The following STAC variants were observed in gnomAD, a reference collection of about 807,000 sequenced individuals.
STAC encodes SH3 and cysteine-rich domain-containing protein.
STAC carries 43 observed loss-of-function variants against 48.8 expected under a neutral mutation model. That is an observed-to-expected ratio of 0.88 (90% CI 0.69 to 1.14). The LOEUF (loss-of-function observed/expected upper bound fraction) is 1.14. Ranked by LOEUF, STAC falls within the 50% of genes most tolerant of loss-of-function variation. The pLI is 0.00. For missense variants in STAC, 497 were observed against 504.0 expected (o/e 0.99, Z 0.13); for synonymous variants, 193 against 179.5 (o/e 1.07, Z -0.60).
chr3:36,504,468 A>G lies in STAC; in HGVS notation c.831+11A>G, dbSNP rs1454620652. 6.2e-7 allele frequency: 1 copy of G among 1,613,228 alleles called. No homozygotes were observed. The highest frequency in any genetic ancestry group is 1.1e-5 in the South Asian group (1 of 91,046). On this transcript the variant is annotated intron_variant, in intron 7 of 10. Coordinates refer to ENST00000273183, the MANE Select transcript of STAC (RefSeq NM_003149.3). ...AACATAAACCACCAGGTATTTATGG[A>G]TGTCACAGAAGACAAGTCAGACAGG...
At chr3:36,500,258 T>C (rs1369984888) in intron 6 of STAC, among the ~76,000 whole-genome samples, 9 of 152,186 alleles carry the variant, frequency 5.9e-5, no homozygotes, top group African/African-American at 2.2e-4. Context: ...TGGAATACTA[T>C]GCAGCCATAA....
At chr3:36,532,474 C>G (rs1039088861) in intron 10 of STAC, among the ~76,000 whole-genome samples, 2 of 152,180 alleles carry the variant, frequency 1.3e-5, no homozygotes, top group African/African-American at 4.8e-5. Flanking sequence ...CACTCAAGAG[C>G]ACCCGATCCT....
At chr3:36,396,546 T>G in intron 1 of STAC, among the ~76,000 whole-genome samples, 1 of 152,142 alleles carries the variant, frequency 6.6e-6, no homozygotes, top group East Asian at 1.9e-4. Flanking sequence ...TTCATTGGAA[T>G]GCTCAGGAAA....
intron 2 of STAC, among the ~76,000 whole-genome samples, chr3:36,472,577 T>C (rs1425641277): frequency 6.6e-6 from 1 of 152,230 alleles, no homozygotes; most frequent in Non-Finnish European, 1.5e-5. Flanking sequence ...TTGAATGCTT[T>C]GCTGCTTAGA....
chr3:36,414,181 T>C lies in STAC; in HGVS notation c.112-29183T>C, dbSNP rs536025515. ...GAGTTTCTCTTCTCAAGGAGTATCTTTGTGGCATTCTCTGTATTTCCTGAA... is the reference window on the plus strand; with the variant it reads ...GAGTTTCTCTTCTCAAGGAGTATCTCTGTGGCATTCTCTGTATTTCCTGAA... On this transcript the variant is annotated intron_variant, in intron 1 of 10. Coordinates refer to ENST00000273183, the MANE Select transcript of STAC (RefSeq NM_003149.3). 2.8e-4 allele frequency among the ~76,000 whole-genome samples: 42 copies of C among 152,300 alleles called. No individual in the cohort carries two copies. In the South Asian group the frequency reaches 8.5e-3, roughly 31 times the overall value.
intron 10 of STAC, among the ~76,000 whole-genome samples, chr3:36,537,334 A>G (rs1699221781): frequency 6.6e-6 from 1 of 152,216 alleles, no homozygotes; most frequent in African/African-American, 2.4e-5. Context: ...AAAATATGGT[A>G]CACATACACC....
intron 5 of STAC, among the ~76,000 whole-genome samples, chr3:36,489,397 GC>G (rs1193494421): frequency 6.6e-6 from 1 of 152,156 alleles, no homozygotes; most frequent in Middle Eastern, 3.2e-3. Context: ...GGCACAGTTT[GC>G]CGTTTTCTGC....
At chr3:36,453,333 C>T (rs1001478769) in intron 2 of STAC, among the ~76,000 whole-genome samples, 2 of 152,172 alleles carry the variant, frequency 1.3e-5, no homozygotes, top group Admixed American at 6.5e-5. Flanking sequence ...CAGCTTGCGG[C>T]GAGGTGTGGA....
At chr3:36,513,205 G>T (rs541351732) in intron 8 of STAC, among the ~76,000 whole-genome samples, 13 of 152,184 alleles carry the variant, frequency 8.5e-5, no homozygotes, top group African/African-American at 2.9e-4. Context: ...AAAGGCCAAT[G>T]CTCCAGACCT....
chr3:36,497,923 C>A (rs1698187778), intron 6 of STAC, among the ~76,000 whole-genome samples: 1 of 152,054 alleles, frequency 6.6e-6, no homozygotes, highest in Non-Finnish European at 1.5e-5. Context: ...AGGCATTTGG[C>A]AGAAACAAAT....
chr3:36,504,559 C>T, intron 7 of STAC, 102 bp downstream of exon 7: 2 of 910,538 alleles, frequency 2.2e-6, no homozygotes, highest in Non-Finnish European at 1.8e-6. Context: ...TGAGTCCAGA[C>T]CAGCATCTTT....
intron 1 of STAC, among the ~76,000 whole-genome samples, chr3:36,404,267 C>T (rs1309091928): frequency 6.6e-6 from 1 of 152,158 alleles, no homozygotes; most frequent in African/African-American, 2.4e-5. Context: ...CATATACCAA[C>T]AAGTCTTTTT....
intron 1 of STAC, among the ~76,000 whole-genome samples, chr3:36,392,418 C>T (rs1252777781): frequency 6.6e-6 from 1 of 152,118 alleles, no homozygotes; most frequent in Non-Finnish European, 1.5e-5. Flanking sequence ...TGGCTCACTG[C>T]AGCCTCAGCC....
chr3:36,486,339 T>C lies in STAC; in HGVS notation c.687+90T>C, dbSNP rs912375799. The stretch of plus-strand genomic sequence containing the variant: ...TGCAGTATGGGGTATTCCACCTGAC[T>C]GCCTCATGAGGGCAGGTCTGCAGGG... On this transcript the variant is annotated intron_variant, in intron 5 of 10. Coordinates refer to ENST00000273183, the MANE Select transcript of STAC (RefSeq NM_003149.3). 3 of 1,155,770 alleles carry C rather than the reference T, an allele frequency of 2.6e-6. No individual in the cohort carries two copies. In the African/African-American group the frequency reaches 4.6e-5, roughly 18 times the overall value. 71.6% of individuals were successfully genotyped at this position (1,155,770 alleles called of 1,614,324 possible). A position where few individuals can be genotyped will look rare whatever the true frequency, so the allele number is the denominator to read the frequency against.
At chr3:36,456,923 A>C (rs191206914) in intron 2 of STAC, among the ~76,000 whole-genome samples, 3 of 152,164 alleles carry the variant, frequency 2.0e-5, no homozygotes, top group African/African-American at 4.8e-5. Context: ...CCCTCTGTCT[A>C]TATCTCCTCA....
chr3:36,458,745 A>C (rs986461709), intron 2 of STAC, among the ~76,000 whole-genome samples: 3 of 152,218 alleles, frequency 2.0e-5, no homozygotes, highest in African/African-American at 7.2e-5. Context: ...ATTTAGAGAA[A>C]AAATTGTCAT....
chr3:36,406,190 G>A (rs1003710351), intron 1 of STAC, among the ~76,000 whole-genome samples: 1 of 152,174 alleles, frequency 6.6e-6, no homozygotes, highest in African/African-American at 2.4e-5. Context: ...GGCCTGCTTA[G>A]GTCTGCTTCG....
At chr3:36,437,939 T>TATTATTA (rs1696198571) in intron 1 of STAC, among the ~76,000 whole-genome samples, 1 of 147,938 alleles carries the variant, frequency 6.8e-6, no homozygotes, top group Non-Finnish European at 1.5e-5. Context: ...GAGTTATTAT[T>TATTATTA]ATTATTATTA....
chr3:36,395,845 T>A (rs139531313), intron 1 of STAC, among the ~76,000 whole-genome samples: 2 of 152,208 alleles, frequency 1.3e-5, no homozygotes, highest in Non-Finnish European at 2.9e-5. Flanking sequence ...TCTCCTCATG[T>A]AGCAAGAAGA....
Sources: gnomAD v4.1 joint callset for allele counts (sites outside exome capture counted in the v4.1 genomes callset) on GRCh38, gnomAD v4.1.1 for gene constraint, MANE v1.5 for transcripts, NCBI Gene and HGNC (gene_info 2026-07-23, HGNC 2026-07-21) for gene names.